Variants in SYCP1 observed in about 807,000 individuals in gnomAD.
SYCP1 encodes cancer/testis antigen 8.
Under a neutral mutation model 153.1 loss-of-function variants are expected in SYCP1, and 64 were observed. That is an observed-to-expected ratio of 0.42 (90% CI 0.34 to 0.51). The LOEUF is 0.51. Ranked by LOEUF, SYCP1 falls within the 20% of genes least tolerant of loss-of-function variation. The pLI is 0.06. For missense variants in SYCP1, 997 were observed against 1,049.0 expected, an observed-to-expected ratio of 0.95 and a Z score of 0.68; for synonymous variants, 384 against 341.8, an observed-to-expected ratio of 1.12 and a Z score of -1.36.
At chr1:114,875,713 T>C (rs1433220951) in intron 9 of SYCP1, among the ~76,000 whole-genome samples, 1 of 152,152 alleles carries the variant, frequency 6.6e-6, no homozygotes. Flanking sequence ...TAACTTTGGA[T>C]TCATGGGGAG....
intron 23 of SYCP1, among the ~76,000 whole-genome samples, chr1:114,943,460 G>A (rs1256282253): frequency 6.6e-6 from 1 of 151,634 alleles, no homozygotes; most frequent in African/African-American, 2.4e-5. Context: ...AAACATAACT[G>A]TTCAATGAGA....
chr1:114,979,820 A>G (rs1031765556), intron 28 of SYCP1, among the ~76,000 whole-genome samples: 1 of 151,880 alleles, frequency 6.6e-6, no homozygotes, highest in Middle Eastern at 3.2e-3. Context: ...GAGATACTTG[A>G]AGATTTACTT....
intron 27 of SYCP1, among the ~76,000 whole-genome samples, chr1:114,976,808 G>A (rs551498862): frequency 6.6e-6 from 1 of 151,872 alleles, no homozygotes; most frequent in African/African-American, 2.4e-5. Flanking sequence ...AATGCTATGG[G>A]AGAGATAACA....
chr1:114,905,202 G>C (rs1667735987), intron 16 of SYCP1, among the ~76,000 whole-genome samples: 1 of 152,162 alleles, frequency 6.6e-6, no homozygotes, highest in Non-Finnish European at 1.5e-5. Flanking sequence ...TTTGTAAAAT[G>C]AACTGAGAAG....
intron 27 of SYCP1, among the ~76,000 whole-genome samples, chr1:114,955,919 CA>C (rs1284889624): frequency 6.6e-6 from 1 of 152,146 alleles, no homozygotes; most frequent in Non-Finnish European, 1.5e-5. Flanking sequence ...AACCATCTGC[CA>C]AAGAGTCCGG....
chr1:114,878,088 T>C lies in SYCP1; in HGVS notation c.802-6T>C, dbSNP rs1055174946. On this transcript the variant is annotated splice_region_variant and splice_polypyrimidine_tract_variant and intron_variant, in intron 11 of 31. Transcript: ENST00000369522. ...ATATTGATAATGTATTATTTAAATA[T>C]TTTAGGTATCACTACTATTGATCCA... 3 of 1,436,736 alleles carry C rather than the reference T, an allele frequency of 2.1e-6. No individual in the cohort carries two copies. Among genetic ancestry groups the C allele is most frequent in the Admixed American group, 2.1e-5 (1 of 47,814 alleles). 89.0% of individuals were successfully genotyped at this position (1,436,736 alleles called of 1,614,324 possible). A position where few individuals can be genotyped will look rare whatever the true frequency, so the allele number is the denominator to read the frequency against.
At chr1:114,983,568 G>T (rs1239844171) in intron 29 of SYCP1, among the ~76,000 whole-genome samples, 1 of 151,874 alleles carries the variant, frequency 6.6e-6, no homozygotes, top group Non-Finnish European at 1.5e-5. Context: ...CTTCAGTTCT[G>T]TTCTGTTCTG....
At chr1:114,871,544 A>T (rs970947110) in intron 8 of SYCP1, among the ~76,000 whole-genome samples, 1 of 151,884 alleles carries the variant, frequency 6.6e-6, no homozygotes, top group African/African-American at 2.4e-5. Context: ...TTATAATCTA[A>T]TACATTGTTG....
At chr1:114,971,317 A>G (rs1231324512) in intron 27 of SYCP1, among the ~76,000 whole-genome samples, 2 of 152,084 alleles carry the variant, frequency 1.3e-5, no homozygotes, top group Non-Finnish European at 2.9e-5. Context: ...TCTCAGGCCA[A>G]TGGAGTTATG....
At chr1:114,871,180 T>A (rs1028695538) in intron 8 of SYCP1, among the ~76,000 whole-genome samples, 5 of 152,064 alleles carry the variant, frequency 3.3e-5, no homozygotes, top group Admixed American at 6.6e-5. Flanking sequence ...TTTCTTTTTT[T>A]TTTTGGATAC....
intron 16 of SYCP1, among the ~76,000 whole-genome samples, chr1:114,896,301 A>G (rs991938576): frequency 4.6e-5 from 7 of 152,108 alleles, no homozygotes. Flanking sequence ...TCTTTTCTCC[A>G]TTTAATTGCT....
chr1:114,980,730 T>C (rs1210951003), intron 28 of SYCP1, among the ~76,000 whole-genome samples: 2 of 151,950 alleles, frequency 1.3e-5, no homozygotes, highest in Non-Finnish European at 2.9e-5. Context: ...AAGAGAATCC[T>C]CAACTTTTGG....
chr1:114,867,715 T>C (rs1664858946), intron 8 of SYCP1, among the ~76,000 whole-genome samples: 2 of 152,122 alleles, frequency 1.3e-5, no homozygotes, highest in South Asian at 4.1e-4. Flanking sequence ...TAAAGTAGTT[T>C]TTATTTCTTT....
In SYCP1 at chr1:114,910,434, T is replaced by A. The variant is rs752662862; in HGVS notation, c.1358T>A (p.Phe453Tyr). The change falls in exon 17 of 32, where the codon TTT becomes TAT. Residue 453 changes from phenylalanine to tyrosine, a missense_variant. Around this residue, in one of 2 missense-constraint regions of SYCP1, gnomAD observed 712 missense variants for 682.9 expected, o/e 1.04. Coordinates refer to ENST00000369522, the MANE Select transcript of SYCP1 (RefSeq NM_003176.4). ...ACACTTTTATATGAAAATAAACAAT[T>A]TGAGAAGATTGCTGAAGAATTAAAA... ...KETLLYENKQFEKIAEELKGT... is the reference protein window; with the variant it reads ...KETLLYENKQYEKIAEELKGT... The A allele has an allele frequency of 1.9e-6, 3 of 1,604,958 alleles. No individual in the cohort carries two copies. The South Asian group carries it at 3.4e-5, about 18-fold the overall frequency.
chr1:114,967,377 T>A (rs1287656617), intron 27 of SYCP1, among the ~76,000 whole-genome samples: 2 of 151,914 alleles, frequency 1.3e-5, no homozygotes. Context: ...GTGCATGTAT[T>A]TAGGATAGTT....
At chr1:114,915,673 A>G (rs1161819767) in intron 20 of SYCP1, among the ~76,000 whole-genome samples, 1 of 152,178 alleles carries the variant, frequency 6.6e-6, no homozygotes, top group East Asian at 1.9e-4. Flanking sequence ...TCAAATAAGG[A>G]GTAAGTTCAA....
intron 20 of SYCP1, among the ~76,000 whole-genome samples, chr1:114,916,359 G>A (rs550189027): frequency 2.0e-5 from 3 of 151,954 alleles, no homozygotes; most frequent in African/African-American, 7.2e-5. Flanking sequence ...TTTTGAATTG[G>A]ATCATAGTAA....
chr1:114,899,738 A>G (rs1310838238), intron 16 of SYCP1, among the ~76,000 whole-genome samples: 2 of 152,228 alleles, frequency 1.3e-5, no homozygotes, highest in African/African-American at 2.4e-5. Flanking sequence ...GGGAACATAT[A>G]TTAGTATTAT....
At chr1:114,965,536 A>C (rs903062633) in intron 27 of SYCP1, among the ~76,000 whole-genome samples, 2 of 152,190 alleles carry the variant, frequency 1.3e-5, no homozygotes, top group Non-Finnish European at 2.9e-5. Context: ...TGTTCCATCA[A>C]TACCTAGTTT....
Sources: allele counts gnomAD v4.1 joint callset (sites outside exome capture counted in the v4.1 genomes callset), GRCh38; gene constraint gnomAD v4.1.1; regional missense constraint gnomAD v4.1.1; transcripts MANE v1.5; gene names NCBI Gene and HGNC (gene_info 2026-07-23, HGNC 2026-07-21).